Variants in HK3 observed in about 807,000 individuals in gnomAD.
HK3 encodes hexokinase-3.
Under a neutral mutation model 91.0 loss-of-function variants are expected in HK3, and 93 were observed. That is an observed-to-expected ratio of 1.02 (90% confidence interval 0.86 to 1.21). HK3 has a LOEUF of 1.21. HK3 is among the 50% of genes most tolerant of loss of function. The pLI is 0.00. For synonymous variants in HK3, 519 were observed against 516.9 expected (o/e 1.00, Z -0.06); for missense variants, 1,235 against 1,247.4 (o/e 0.99, Z 0.15).
Position 176,880,928 on chromosome 5 carries a change from A to G in HK3, c.*145T>C, listed in dbSNP as rs935615147. On this transcript the variant is annotated 3_prime_UTR_variant, in exon 19 of 19. Transcript: ENST00000292432. ...AGTGCTACTTCTCTCAGGGAAAGCC[A>G]GGGAGCAAGGCCAAATGGCCGCAGA... The G allele has an allele frequency of 1.2e-6, 1 of 820,198 alleles. No individual in the cohort carries two copies. Among genetic ancestry groups the G allele is most frequent in the Non-Finnish European group, 1.8e-6 (1 of 549,810 alleles). The allele number at this position is 820,198 out of a possible 1,614,324, so 50.8% of individuals were successfully genotyped here.
At chr5:176,889,111 T>A (rs1758687432) in intron 8 of HK3, among the ~76,000 whole-genome samples, 1 of 152,126 alleles carries the variant, frequency 6.6e-6, no homozygotes, top group Non-Finnish European at 1.5e-5. Flanking sequence ...CAGAGAGCAG[T>A]TTGCTCAACC....
rs200044768 is a variant in HK3 at position 176,881,174 on chromosome 5, G to A, written c.2671C>T (p.Arg891Cys). ...VAATVRELAP[R>C]CVVTFLQSED... is the part of the protein sequence containing the mutation. ...GACTGCAGGAACGTGACCACACAGC[G>A]AGGGGCCAGCTCCCGCACTGTGGCC... Residue 891 changes from arginine to cysteine, a missense_variant, in exon 19 of 19, where the codon CGC becomes TGC. Arg to Cys is a radical substitution (Grantham distance 180, BLOSUM62 -3). Coordinates refer to ENST00000292432, the MANE Select transcript of HK3 (RefSeq NM_002115.3). 6.4e-5 allele frequency: 103 copies of A among 1,612,998 alleles called. No individual in the cohort carries two copies. Among genetic ancestry groups the A allele is most frequent in the African/African-American group, 8.0e-5 (6 of 74,938 alleles).
chr5:176,885,332 T>G (rs777795590), intron 13 of HK3, among the ~76,000 whole-genome samples: 4 of 152,212 alleles, frequency 2.6e-5, no homozygotes, highest in Non-Finnish European at 5.9e-5. Flanking sequence ...CTGCAAATTC[T>G]GCACAGCAAA....
chr5:176,884,071 T>C lies in HK3; in HGVS notation c.1921A>G (p.Ser641Gly), dbSNP rs749714108. 1 of 1,614,140 alleles carries C rather than the reference T, an allele frequency of 6.2e-7. No homozygotes were observed. The highest frequency in any genetic ancestry group is 8.5e-7 in the Non-Finnish European group (1 of 1,180,020). ...ASDCEGQDVV[S>G]LLREAITRRQ... Reference sequence around the variant, plus strand: ...CGAGTGATGGCTTCCCGCAACAGACTCACGACATCTTGGCCCTCGCAGTCT... The same window carrying C: ...CGAGTGATGGCTTCCCGCAACAGACCCACGACATCTTGGCCCTCGCAGTCT... The change falls in exon 14 of 19, where the codon AGT becomes GGT. Residue 641 changes from serine (S) to glycine (G), a missense_variant. Physicochemically the swap from Ser to Gly is moderately conservative, Grantham distance 56. Transcript: ENST00000292432. This position sits in a 1 kb window ranked among gnomAD's most constrained non-coding sequence, Gnocchi z 4.1.
In HK3 at chr5:176,881,399, C is replaced by A. The variant is rs1381562079; in HGVS notation, c.2530G>T (p.Val844Leu). 2 of 1,613,360 alleles carry A rather than the reference C, an allele frequency of 1.2e-6. No individual in the cohort carries two copies. The highest frequency in any genetic ancestry group is 1.7e-6 in the Non-Finnish European group (2 of 1,180,040). Residue 844 changes from valine to leucine, a missense_variant, in exon 18 of 19, where the codon GTA becomes TTA. Coordinates refer to ENST00000292432, the MANE Select transcript of HK3 (RefSeq NM_002115.3). ...QRAAQLCGAGVAAVVEKIREN... is the reference protein window; with the variant it reads ...QRAAQLCGAGLAAVVEKIREN... ...CGGATCTTCTCCACCACGGCAGCTA[C>A]ACCCGCCCCACAGAGCTGGGCAGCC...
rs1486952560 is a variant in HK3, at chr5:176,884,011, C to T, written c.1953+28G>A. The T allele has an allele frequency of 6.2e-7, 1 of 1,610,082 alleles. No individual in the cohort carries two copies. The highest frequency in any genetic ancestry group is 8.5e-7 in the Non-Finnish European group (1 of 1,176,400). On this transcript the variant is annotated intron_variant, in intron 14 of 18. Transcript: ENST00000292432. This position sits in a 1 kb window ranked among gnomAD's most constrained non-coding sequence, Gnocchi z 4.1. ...GCTCCCCTCAAGGCCTGCCACAGCC[C>T]CAAAGCACCCCTAGAACAGGCTCCT...
In HK3 at chr5:176,887,104, C is replaced by A; in HGVS notation, c.1755G>T (p.Val585=). 6.2e-7 allele frequency: 1 copy of A among 1,614,210 alleles called. No individual in the cohort carries two copies. The highest frequency in any genetic ancestry group is 1.3e-5 in the African/African-American group (1 of 75,064). ...GSGQQLFDHI[V]DCIVDFQQKQ... ...TCTGCTGGAAGTCCACGATGCAGTC[C>A]ACGATGTGGTCAAAGAGCTGTGGGG... Residue 585 remains valine, a synonymous_variant, in exon 13 of 19, where the codon GTG becomes GTT. Transcript: ENST00000292432. The surrounding 1 kb of genome is among the most constrained non-coding windows in gnomAD (Gnocchi z 4.9).
At chr5:176,894,205 C>A (rs1404823838) in intron 2 of HK3, among the ~76,000 whole-genome samples, 1 of 152,134 alleles carries the variant, frequency 6.6e-6, no homozygotes, top group African/African-American at 2.4e-5. Context: ...CAAAGAGAAG[C>A]CTGGTGGAAG....
At position 176,896,061 on chromosome 5, in the gene HK3, T is replaced by C. The variant is rs1250531192; in HGVS notation, c.96+3A>G. 1 of 1,612,556 alleles carries C rather than the reference T, an allele frequency of 6.2e-7. No individual in the cohort carries two copies. Among genetic ancestry groups the C allele is most frequent in the Non-Finnish European group, 8.5e-7 (1 of 1,178,652 alleles). ...TGAAACAGGAACCCAGTGCTGAACT[T>C]ACCAGCTCTGAGCTGTCTGAGGGCC... is the stretch of plus-strand genomic sequence containing the variant. On this transcript the variant is annotated splice_donor_region_variant and intron_variant, in intron 2 of 18. Transcript: ENST00000292432.
chr5:176,891,094 C>T lies in HK3; in HGVS notation c.357G>A (p.Glu119=), dbSNP rs375039200. The change falls in exon 4 of 19, where the codon GAG becomes GAA. Residue 119 remains glutamate, a synonymous_variant. Transcript: ENST00000292432. ...TLTGIEGHRV[E]PRSQEFVIPQ... is the part of the protein sequence containing the mutation. ...GGATCACAAACTCCTGGCTTCTGGG[C>T]TCCACCCTATGCCCCTCAATGCCAG... 1.9e-6 allele frequency: 3 copies of T among 1,614,136 alleles called. No individual in the cohort carries two copies. The highest frequency in any genetic ancestry group is 2.2e-5 in the South Asian group (2 of 91,088).
Position 176,887,891 on chromosome 5 carries a change from C to A in HK3, c.1305-145G>T. On this transcript the variant is annotated intron_variant, in intron 10 of 18. Transcript: ENST00000292432. The surrounding 1 kb of genome is among the most constrained non-coding windows in gnomAD (Gnocchi z 4.9). ...CTAGGGCCTCCTGAAGCCCAAGGCC[C>A]CATCACTTTTTTTTTTTTATTTTTG... The A allele has an allele frequency of 1.4e-6, 1 of 729,998 alleles. No homozygotes were observed. Among genetic ancestry groups the A allele is most frequent in the Non-Finnish European group, 2.2e-6 (1 of 451,350 alleles). 45.2% of individuals were successfully genotyped at this position (729,998 alleles called of 1,614,324 possible).
chr5:176,897,861 C>T (rs1758943935), intron 1 of HK3, among the ~76,000 whole-genome samples: 4 of 152,214 alleles, frequency 2.6e-5, no homozygotes, highest in Admixed American at 2.6e-4. Flanking sequence ...CAGCCAAATC[C>T]TAAATCCCAG....
At position 176,887,638 on chromosome 5, in the gene HK3, G is replaced by C. The variant is rs6875296; in HGVS notation, c.1413C>G (p.Ala471=). 6.2e-7 allele frequency: 1 copy of C among 1,613,376 alleles called. No homozygotes were observed. The highest frequency in any genetic ancestry group is 2.2e-5 in the East Asian group (1 of 44,866). The change falls in exon 11 of 19, where the codon GCC becomes GCG. Residue 471 remains alanine (A), a synonymous_variant. Coordinates refer to ENST00000292432, the MANE Select transcript of HK3 (RefSeq NM_002115.3). The surrounding 1 kb of genome is among the most constrained non-coding windows in gnomAD (Gnocchi z 4.9). ...GGTGGGCAGCCAGACGGGCAGCCAC[G>C]GCAGTCACCATCGCCACTCCCCGGC... The part of the protein sequence containing the change: ...GGGRGVAMVT[A]VAARLAAHRR...
chr5:176,892,497 A>T (rs1191932086), intron 2 of HK3, among the ~76,000 whole-genome samples: 1 of 152,076 alleles, frequency 6.6e-6, no homozygotes, highest in Non-Finnish European at 1.5e-5. Flanking sequence ...GAAGCCCAGT[A>T]GCTTAAGAGC....
chr5:176,882,455 C>T (rs192554307), intron 15 of HK3, among the ~76,000 whole-genome samples: 262 of 152,362 alleles, frequency 1.7e-3, no homozygotes, highest in Non-Finnish European at 3.0e-3. Context: ...CCCTAGCTCT[C>T]TGCGGTTGAG....
Position 176,884,009 on chromosome 5 carries a change from C to T in HK3, c.1953+30G>A, listed in dbSNP as rs773620229. ...TTGCTCCCCTCAAGGCCTGCCACAG[C>T]CCCAAAGCACCCCTAGAACAGGCTC... On this transcript the variant is annotated intron_variant, in intron 14 of 18. Transcript: ENST00000292432. This position sits in a 1 kb window ranked among gnomAD's most constrained non-coding sequence, Gnocchi z 4.1. 2 of 1,607,636 alleles carry T rather than the reference C, an allele frequency of 1.2e-6. No individual in the cohort carries two copies. Among genetic ancestry groups the T allele is most frequent in the South Asian group, 2.2e-5 (2 of 90,950 alleles).
chr5:176,884,375 C>T lies in HK3; in HGVS notation c.1858-241G>A, dbSNP rs1338432267. ...AACCTACATTTTCCATTATTAGTTC[C>T]AGACAGTCAGAGGGTCTGGCCATTT... On this transcript the variant is annotated intron_variant, in intron 13 of 18. Coordinates refer to ENST00000292432, the MANE Select transcript of HK3 (RefSeq NM_002115.3). This position sits in a 1 kb window ranked among gnomAD's most constrained non-coding sequence, Gnocchi z 4.1. Among the ~76,000 whole-genome samples the T allele has an allele frequency of 6.6e-6, 1 of 152,252 alleles. No homozygotes were observed. The highest frequency in any genetic ancestry group is 1.9e-4 in the East Asian group (1 of 5,206).
intron 13 of HK3, among the ~76,000 whole-genome samples, chr5:176,885,129 A>T (rs1758548359): frequency 6.6e-6 from 1 of 152,268 alleles, no homozygotes; most frequent in South Asian, 2.1e-4. Context: ...ACTTCCTGAG[A>T]CAGGTGTCCT....
chr5:176,892,237 CG>C (rs765753212), intron 2 of HK3, among the ~76,000 whole-genome samples: 1 of 152,062 alleles, frequency 6.6e-6, no homozygotes, highest in Non-Finnish European at 1.5e-5. Context: ...GGCTATTAAA[CG>C]TAGGGGGGCA....
Sources: allele counts gnomAD v4.1 joint callset (sites outside exome capture counted in the v4.1 genomes callset), GRCh38; gene constraint gnomAD v4.1.1; non-coding constraint Gnocchi (gnomAD v3.1); transcripts MANE v1.5; gene names NCBI Gene and HGNC (gene_info 2026-07-23, HGNC 2026-07-21).